The following DISC1 variants were observed in gnomAD, a reference collection of about 807,000 sequenced individuals.
DISC1 encodes disrupted in schizophrenia 1 protein.
A neutral mutation model predicts 84.5 loss-of-function variants in DISC1; 57 were observed. The observed-to-expected ratio is 0.67, with a 90% CI of 0.55 to 0.84. DISC1 has a LOEUF of 0.84. DISC1 is among the 40% of genes least tolerant of loss of function. The pLI is 0.00. For missense variants in DISC1, 1,000 were observed against 1,057.8 expected, an observed-to-expected ratio of 0.95 and a Z score of 0.76; for synonymous variants, 411 against 415.2, an observed-to-expected ratio of 0.99 and a Z score of 0.12.
chr1:231,684,953 G>A (rs1428036082), intron 1 of DISC1: 1 of 152,210 alleles, frequency 6.6e-6, no homozygotes, highest in Non-Finnish European at 1.5e-5. Context: ...CTTTCCAGAT[G>A]ACTGAAATGC....
chr1:231,960,529 G>A (rs936092456), intron 10 of DISC1, among the ~76,000 whole-genome samples: 1 of 152,150 alleles, frequency 6.6e-6, no homozygotes, highest in African/African-American at 2.4e-5. Context: ...TGGGATTACG[G>A]GTGTGCACCA....
At chr1:231,735,176 A>G (rs904996224) in intron 3 of DISC1, among the ~76,000 whole-genome samples, 6 of 152,224 alleles carry the variant, frequency 3.9e-5, no homozygotes, top group Non-Finnish European at 8.8e-5. Context: ...GGACTTTTTA[A>G]AAAACATACT....
chr1:231,893,460 A>G (rs2087419948), intron 9 of DISC1, among the ~76,000 whole-genome samples: 1 of 152,370 alleles, frequency 6.6e-6, no homozygotes, highest in Admixed American at 6.5e-5. Flanking sequence ...AAAAGGTTAT[A>G]TATTAGTCAG....
intron 4 of DISC1, among the ~76,000 whole-genome samples, chr1:231,765,229 A>G (rs139324142): frequency 4.9e-4 from 73 of 147,636 alleles, no homozygotes; most frequent in African/African-American, 1.8e-3. Context: ...ACTTTGGATA[A>G]TAATCATTTT....
At chr1:232,019,981 A>G (rs1668808222) in intron 11 of DISC1, among the ~76,000 whole-genome samples, 1 of 152,156 alleles carries the variant, frequency 6.6e-6, no homozygotes, top group Non-Finnish European at 1.5e-5. Context: ...AGGGAAGAGA[A>G]CACCATGTCT....
At chr1:232,020,553 T>C (rs895604052) in intron 11 of DISC1, among the ~76,000 whole-genome samples, 2 of 152,148 alleles carry the variant, frequency 1.3e-5, no homozygotes, top group African/African-American at 4.8e-5. Flanking sequence ...TTTGCTGTCC[T>C]GGGAAACAAG....
At chr1:231,773,187 A>C (rs1316898818) in intron 6 of DISC1, among the ~76,000 whole-genome samples, 1 of 152,176 alleles carries the variant, frequency 6.6e-6, no homozygotes, top group African/African-American at 2.4e-5. Context: ...AGCTATTTCT[A>C]TGACTAATTC....
intron 10 of DISC1, among the ~76,000 whole-genome samples, chr1:231,988,868 G>A (rs1414476003): frequency 6.6e-6 from 1 of 152,192 alleles, no homozygotes; most frequent in Non-Finnish European, 1.5e-5. Context: ...CCATTCATTG[G>A]AAGCAGAGAG....
At chr1:231,927,619 G>A (rs977247402) in intron 9 of DISC1, among the ~76,000 whole-genome samples, 1 of 152,138 alleles carries the variant, frequency 6.6e-6, no homozygotes, top group African/African-American at 2.4e-5. Context: ...TTCTATTTAT[G>A]GGTAACCATG....
intron 4 of DISC1, among the ~76,000 whole-genome samples, chr1:231,754,167 C>T (rs1197909879): frequency 6.6e-6 from 1 of 152,160 alleles, no homozygotes; most frequent in East Asian, 1.9e-4. Context: ...AAGCCAGTTC[C>T]ACATTTTCAG....
chr1:231,948,462 G>A (rs903538053), intron 9 of DISC1, among the ~76,000 whole-genome samples: 7 of 152,082 alleles, frequency 4.6e-5, no homozygotes, highest in African/African-American at 1.7e-4. Context: ...TCGGGTGGTG[G>A]GGGGCTCGGG....
chr1:232,009,115 C>G lies in DISC1; in HGVS notation c.2307+66C>G. On this transcript the variant is annotated intron_variant, in intron 11 of 12. Transcript: ENST00000439617. This position sits in a 1 kb window ranked among gnomAD's most constrained non-coding sequence, Gnocchi z 4.6. Reference sequence around the variant, plus strand: ...CTAAGGGGTGCTTTGGGACCATGCTCCAAATGGGAACAATAAATATTGGGA... The same window carrying G: ...CTAAGGGGTGCTTTGGGACCATGCTGCAAATGGGAACAATAAATATTGGGA... 6.2e-7 allele frequency: 1 copy of G among 1,606,080 alleles called. No individual in the cohort carries two copies. The highest frequency in any genetic ancestry group is 1.1e-5 in the South Asian group (1 of 89,394).
chr1:231,868,691 CTT>C (rs1491388937), intron 9 of DISC1, among the ~76,000 whole-genome samples: 129 of 90,216 alleles, frequency 1.4e-3, no homozygotes, highest in African/African-American at 5.0e-3. Context: ...GACCCCATCT[CTT>C]ATATATATAT....
In DISC1 at chr1:232,040,146, C is replaced by G. The variant is rs755292122; in HGVS notation, c.*3315C>G. ...AGCTGGGGTTACAGGCATTTGCCAC[C>G]GGGCCCTGATGATTTTTGTATTTTT... On this transcript the variant is annotated 3_prime_UTR_variant, in exon 13 of 13. Coordinates refer to ENST00000439617, the MANE Select transcript of DISC1 (RefSeq NM_018662.3). The G allele has an allele frequency of 3.3e-5, 5 of 152,072 alleles. No individual in the cohort carries two copies. The highest frequency in any genetic ancestry group is 5.9e-5 in the Non-Finnish European group (4 of 68,076). The allele number at this position is 152,072 out of a possible 1,614,324, so 9.4% of individuals were successfully genotyped here.
In DISC1 at chr1:231,767,138, AGG is replaced by A. The variant is rs1558507723; in HGVS notation, c.1269_1270del (p.Gln423HisfsTer5). 6.2e-7 allele frequency: 1 copy of A among 1,614,122 alleles called. No individual in the cohort carries two copies. Among genetic ancestry groups the A allele is most frequent in the Non-Finnish European group, 8.5e-7 (1 of 1,179,988 alleles). ...GTACCAATAGGTATGTGTTGTTTTA[AGG>A]GCCAGCGGAGATGACACCCACACCC... is the stretch of plus-strand genomic sequence containing the variant. On this transcript the variant is annotated splice_acceptor_variant and coding_sequence_variant, in exon 5 of 13. Transcript: ENST00000439617. LOFTEE classifies it high-confidence loss of function.
intron 9 of DISC1, among the ~76,000 whole-genome samples, chr1:231,901,921 G>A (rs1481933405): frequency 6.6e-6 from 1 of 152,072 alleles, no homozygotes; most frequent in Non-Finnish European, 1.5e-5. Flanking sequence ...CAGTTGTTAT[G>A]GACCTGGATC....
intron 9 of DISC1, 67 bp downstream of exon 9, chr1:231,818,584 G>A: frequency 6.2e-7 from 1 of 1,602,390 alleles, no homozygotes; most frequent in Non-Finnish European, 8.5e-7. Flanking sequence ...TGGCCAGGCA[G>A]AATGTTCTGT....
intron 9 of DISC1, among the ~76,000 whole-genome samples, chr1:231,908,745 A>G (rs1355263266): frequency 1.3e-5 from 2 of 152,288 alleles, no homozygotes; most frequent in East Asian, 1.9e-4. Context: ...CATTGAATCT[A>G]TAAATTACCT....
chr1:231,649,977 C>A (rs1351393589), intron 1 of DISC1, among the ~76,000 whole-genome samples: 3 of 152,284 alleles, frequency 2.0e-5, no homozygotes, highest in East Asian at 1.9e-4. Flanking sequence ...AGATTGGTCT[C>A]CTGAATACAG....
Sources: allele counts gnomAD v4.1 joint callset (sites outside exome capture counted in the v4.1 genomes callset), GRCh38; gene constraint gnomAD v4.1.1; non-coding constraint Gnocchi (gnomAD v3.1); transcripts MANE v1.5; gene names NCBI Gene and HGNC (gene_info 2026-07-23, HGNC 2026-07-21).